The following CTNNA1 variants were observed in gnomAD, a reference collection of about 807,000 sequenced individuals.
CTNNA1 encodes the protein catenin alpha 1.
CTNNA1 carries 37 observed loss-of-function variants against 98.4 expected under a neutral mutation model. The observed-to-expected ratio is 0.38, with a 90% CI of 0.29 to 0.49. The LOEUF is 0.49. CTNNA1 is among the 20% of genes least tolerant of loss of function. The pLI is 0.95. For synonymous variants in CTNNA1, 404 were observed against 413.2 expected, an observed-to-expected ratio of 0.98 and a Z score of 0.27; for missense variants, 761 against 1,147.2, an observed-to-expected ratio of 0.66 and a Z score of 4.86.
chr5:138,770,247 A>T (rs1753391192), intron 1 of CTNNA1, among the ~76,000 whole-genome samples: 1 of 152,186 alleles, frequency 6.6e-6, no homozygotes. Context: ...CCTCCAGTCC[A>T]GGTGCTTGTT....
intron 7 of CTNNA1, among the ~76,000 whole-genome samples, chr5:138,858,576 T>TTTTTC (rs1554090750): frequency 1.1e-5 from 1 of 91,786 alleles, no homozygotes; most frequent in African/African-American, 4.9e-5. Flanking sequence ...TATTTGGCTT[T>TTTTTC]TTTTTCTTTT....
chr5:138,926,017 C>G (rs1763947576), intron 13 of CTNNA1, among the ~76,000 whole-genome samples: 1 of 152,228 alleles, frequency 6.6e-6, no homozygotes, highest in Non-Finnish European at 1.5e-5. Context: ...TGTCTTCATT[C>G]AAGAATCATC....
chr5:138,783,165 T>C lies in CTNNA1; in HGVS notation c.106-12T>C, dbSNP rs2149655905. On this transcript the variant is annotated splice_polypyrimidine_tract_variant and intron_variant, in intron 2 of 17. Transcript: ENST00000302763. ...ATTGACTCCAGTTTAATGTTAAAAA[T>C]GAAACTTTTAGGTTACAACCCTTGT... The C allele has an allele frequency of 6.4e-7, 1 of 1,560,290 alleles. No individual in the cohort carries two copies.
At chr5:138,885,726 AC>A (rs1417381567) in intron 7 of CTNNA1, among the ~76,000 whole-genome samples, 1 of 152,172 alleles carries the variant, frequency 6.6e-6, no homozygotes, top group East Asian at 1.9e-4. Flanking sequence ...ATTAGCTCTG[AC>A]CTATCAGGTA....
rs749328559 is a variant in CTNNA1, at chr5:138,925,376, G to A, written c.1868G>A (p.Arg623Gln). ...DASRLVYDGIRDIRKAVLMIR... is the reference protein window; with the variant it reads ...DASRLVYDGIQDIRKAVLMIR... ...TCCCGCCTGGTATATGATGGCATCC[G>A]GGACATCAGGAAAGCAGTGCTGATG... Residue 623 changes from arginine (R) to glutamine (Q), a missense_variant, in exon 13 of 18, where the codon CGG (arginine) becomes CAG (glutamine). By Grantham distance (43) the Arg-to-Gln change is conservative. Transcript: ENST00000302763. 8 of 1,614,142 alleles carry A rather than the reference G, an allele frequency of 5.0e-6. No homozygotes were observed. Among genetic ancestry groups the A allele is most frequent in the Admixed American group, 1.7e-5 (1 of 60,030 alleles).
intron 7 of CTNNA1, among the ~76,000 whole-genome samples, chr5:138,863,304 C>T (rs191969296): frequency 4.6e-5 from 7 of 152,124 alleles, no homozygotes; most frequent in East Asian, 1.9e-4. Context: ...GGTGTGATCA[C>T]GGCTCACTGC....
At chr5:138,932,521 G>T in intron 16 of CTNNA1, 57 bp from the exon 17 acceptor site, 1 of 1,600,172 alleles carries the variant, frequency 6.2e-7, no homozygotes, top group Non-Finnish European at 8.5e-7. Context: ...CAGCCGTGGG[G>T]TCGGGGGTGC....
intron 7 of CTNNA1, among the ~76,000 whole-genome samples, chr5:138,885,497 C>G (rs1340063428): frequency 6.6e-6 from 1 of 152,138 alleles, no homozygotes; most frequent in East Asian, 1.9e-4. Context: ...CTTTCAACTG[C>G]TATTTTATTC....
chr5:138,811,883 C>T, intron 4 of CTNNA1: 1 of 267,456 alleles, frequency 3.7e-6, no homozygotes, highest in Non-Finnish European at 7.3e-6. Flanking sequence ...AGTCCAGCTT[C>T]AGCTCGGCAT....
chr5:138,905,511 C>G (rs1759050122), intron 10 of CTNNA1, among the ~76,000 whole-genome samples: 1 of 152,230 alleles, frequency 6.6e-6, no homozygotes, highest in African/African-American at 2.4e-5. Context: ...AAGCTAGTCT[C>G]TTTATTCTGT....
chr5:138,928,988 G>T (rs1322225697), intron 13 of CTNNA1, among the ~76,000 whole-genome samples: 1 of 152,048 alleles, frequency 6.6e-6, no homozygotes, highest in African/African-American at 2.4e-5. Flanking sequence ...AATTGACTCA[G>T]TGATAGCAAT....
At chr5:138,907,440 C>T (rs1456501028) in intron 10 of CTNNA1, among the ~76,000 whole-genome samples, 2 of 152,232 alleles carry the variant, frequency 1.3e-5, no homozygotes, top group African/African-American at 2.4e-5. Flanking sequence ...TCAAACTCTT[C>T]TGTGTGCTGC....
chr5:138,817,816 A>T (rs1435371503), intron 5 of CTNNA1, among the ~76,000 whole-genome samples: 1 of 151,938 alleles, frequency 6.6e-6, no homozygotes, highest in East Asian at 1.9e-4. Flanking sequence ...TCTCATTTAC[A>T]TCCTGATTTT....
intron 7 of CTNNA1, among the ~76,000 whole-genome samples, chr5:138,849,023 G>T (rs1023376651): frequency 1.3e-5 from 2 of 152,096 alleles, no homozygotes; most frequent in African/African-American, 4.8e-5. Flanking sequence ...TGCCCTGCCT[G>T]GCATACTTCT....
intron 7 of CTNNA1, among the ~76,000 whole-genome samples, chr5:138,858,975 G>C (rs1764008213): frequency 6.6e-6 from 1 of 152,116 alleles, no homozygotes; most frequent in Non-Finnish European, 1.5e-5. Flanking sequence ...GATTGTTCGT[G>C]AACTTTCATT....
chr5:138,797,476 A>T (rs1302288774), intron 3 of CTNNA1, among the ~76,000 whole-genome samples: 1 of 152,146 alleles, frequency 6.6e-6, no homozygotes, highest in African/African-American at 2.4e-5. Context: ...ATTAATGAAG[A>T]TACCTGGGTG....
chr5:138,923,497 G>T (rs1274060122), intron 11 of CTNNA1, among the ~76,000 whole-genome samples: 6 of 152,000 alleles, frequency 3.9e-5, no homozygotes, highest in Non-Finnish European at 1.5e-5. Flanking sequence ...CTGTTTCCTG[G>T]CCTTCCCTGG....
At chr5:138,784,821 C>G (rs1755497722) in intron 3 of CTNNA1, among the ~76,000 whole-genome samples, 2 of 152,154 alleles carry the variant, frequency 1.3e-5, no homozygotes, top group African/African-American at 4.8e-5. Flanking sequence ...TTACTCCAGT[C>G]TCTGCCTTTG....
intron 7 of CTNNA1, among the ~76,000 whole-genome samples, chr5:138,883,056 CA>C (rs1316438912): frequency 8.5e-5 from 13 of 152,054 alleles, no homozygotes; most frequent in Admixed American, 6.6e-4. Context: ...AGGCTGAAAC[CA>C]AAGGTTTCAG....
Sources: allele counts gnomAD v4.1 joint callset (sites outside exome capture counted in the v4.1 genomes callset), GRCh38; gene constraint gnomAD v4.1.1; transcripts MANE v1.5; gene names NCBI Gene and HGNC (gene_info 2026-07-23, HGNC 2026-07-21).